The following HMGB1 variants were observed in gnomAD, a reference collection of about 807,000 sequenced individuals.
The protein encoded by HMGB1 is high mobility group protein B1.
For missense variants in HMGB1, 79 were observed against 253.5 expected, an observed-to-expected ratio of 0.31 and a Z score of 4.67; for synonymous variants, 81 against 84.0, an observed-to-expected ratio of 0.96 and a Z score of 0.19.
chr13:30,500,517 G>A (rs1490939324), intron 1 of HMGB1, among the ~76,000 whole-genome samples: 1 of 143,450 alleles, frequency 7.0e-6, no homozygotes, highest in East Asian at 2.1e-4. Flanking sequence ...CTACATGTGT[G>A]TGCTCCCTCA....
At chr13:30,597,611 C>T (rs1871673164) in intron 1 of HMGB1, among the ~76,000 whole-genome samples, 1 of 152,186 alleles carries the variant, frequency 6.6e-6, no homozygotes, top group African/African-American at 2.4e-5. Flanking sequence ...TTACAGTATA[C>T]CACAAGCCTG....
In HMGB1 at chr13:30,547,604, C is replaced by T. The variant is rs970989377; in HGVS notation, c.-15+69067G>A. Among the ~76,000 whole-genome samples the T allele has an allele frequency of 8.1e-4, 123 of 152,144 alleles. 1 individual carries two copies. Among genetic ancestry groups the T allele is most frequent in the Non-Finnish European group, 1.4e-3 (95 of 68,010 alleles). On this transcript the variant is annotated intron_variant, in intron 1 of 4. Coordinates refer to the HMGB1 transcript ENST00000405805. ...CTGTCTAACACCATGGGAAAAGAGT[C>T]CTTACAAACAGGACTTTAGATTTTT...
At chr13:30,598,594 C>T (rs1245123840) in intron 1 of HMGB1, among the ~76,000 whole-genome samples, 1 of 152,108 alleles carries the variant, frequency 6.6e-6, no homozygotes, top group Non-Finnish European at 1.5e-5. Flanking sequence ...ACAAAATACA[C>T]CTGAAAATAT....
At chr13:30,612,516 A>C (rs1210884222) in intron 1 of HMGB1, among the ~76,000 whole-genome samples, 5 of 152,248 alleles carry the variant, frequency 3.3e-5, no homozygotes, top group Non-Finnish European at 7.3e-5. Context: ...TGTAGTTACT[A>C]AAGCATATCC....
chr13:30,546,954 C>T (rs1164441289), intron 1 of HMGB1, among the ~76,000 whole-genome samples: 1 of 152,214 alleles, frequency 6.6e-6, no homozygotes, highest in Non-Finnish European at 1.5e-5. Context: ...TTAATTACCA[C>T]TGGTCCATGT....
chr13:30,581,027 G>T (rs1870877905), intron 1 of HMGB1, among the ~76,000 whole-genome samples: 1 of 152,038 alleles, frequency 6.6e-6, no homozygotes, highest in South Asian at 2.1e-4. Flanking sequence ...GAAGTCCTGG[G>T]CTCAAGGAAT....
At chr13:30,508,011 T>C (rs1719475485) in intron 1 of HMGB1, among the ~76,000 whole-genome samples, 1 of 150,336 alleles carries the variant, frequency 6.7e-6, no homozygotes, top group Non-Finnish European at 1.5e-5. Context: ...AAAGAAAAAA[T>C]AATTAATGAG....
At chr13:30,592,187 T>C (rs1366399203) in intron 1 of HMGB1, among the ~76,000 whole-genome samples, 1 of 151,920 alleles carries the variant, frequency 6.6e-6, no homozygotes, top group Non-Finnish European at 1.5e-5. Context: ...AAAAAAACAT[T>C]TTCCCCTATA....
At chr13:30,611,092 T>C (rs1950508589) in intron 1 of HMGB1, among the ~76,000 whole-genome samples, 1 of 152,256 alleles carries the variant, frequency 6.6e-6, no homozygotes, top group African/African-American at 2.4e-5. Context: ...TCATCCTCAG[T>C]TGCAGAAGTA....
At chr13:30,469,138 G>A (rs1886866001), upstream of HMGB1, among the ~76,000 whole-genome samples, 3 of 151,820 alleles carry the variant, frequency 2.0e-5, no homozygotes, top group Admixed American at 1.3e-4. Context: ...TGATCTGCCC[G>A]CCTCAGCCTC....
intron 1 of HMGB1, among the ~76,000 whole-genome samples, chr13:30,486,280 A>T (rs547191018): frequency 6.6e-6 from 1 of 152,252 alleles, no homozygotes; most frequent in East Asian, 1.9e-4. Context: ...CGAATCACCC[A>T]TATGGTCCCA....
chr13:30,612,244 C>T (rs898331633), intron 1 of HMGB1, among the ~76,000 whole-genome samples: 2 of 152,076 alleles, frequency 1.3e-5, no homozygotes, highest in Admixed American at 1.3e-4. Flanking sequence ...TATACACACA[C>T]ATACATATGC....
In HMGB1 at chr13:30,584,619, T is replaced by C. The variant is rs540159451; in HGVS notation, c.-15+32052A>G. 3.6e-4 allele frequency among the ~76,000 whole-genome samples: 55 copies of C among 152,346 alleles called. 1 individual carries two copies. In the South Asian group the frequency reaches 0.011, roughly 30 times the overall value. On this transcript the variant is annotated intron_variant, in intron 1 of 4. Transcript: ENST00000405805. ...TTTATTGACTAGCTATGACACATTT[T>C]ACTTATATAATTTCATTTTCTCAGC...
rs58424009 is a variant in HMGB1, at chr13:30,537,652, CATATATATATATATATATATATAT to C, written c.-14-73982_-14-73959del. 7.5e-4 allele frequency among the ~76,000 whole-genome samples: 51 copies of C among 68,026 alleles called. 2 individuals carry two copies. The highest frequency in any genetic ancestry group is 3.1e-3 in the East Asian group (5 of 1,592). The allele number at this position is 68,026 out of a possible 152,430, so 44.6% of individuals were successfully genotyped here. A position where few individuals can be genotyped will look rare whatever the true frequency, so the allele number is the denominator to read the frequency against. On this transcript the variant is annotated intron_variant, in intron 1 of 4. Coordinates refer to the HMGB1 transcript ENST00000405805. ...TGGTGGCAATTCATTCATTCTTGTTCATATATATATATATATATATATATATATATATATATATATATATAAAAT... is the reference window on the plus strand; with the variant it reads ...TGGTGGCAATTCATTCATTCTTGTTCATATATATATATATATATATAAAAT...
chr13:30,495,958 A>T (rs1887601928), intron 1 of HMGB1, among the ~76,000 whole-genome samples: 1 of 152,228 alleles, frequency 6.6e-6, no homozygotes, highest in African/African-American at 2.4e-5. Flanking sequence ...AAAACAGAAT[A>T]TAATCATCTA....
At chr13:30,601,803 T>C (rs1950404728) in intron 1 of HMGB1, among the ~76,000 whole-genome samples, 1 of 140,456 alleles carries the variant, frequency 7.1e-6, no homozygotes. Flanking sequence ...GGTTGTAAGG[T>C]AACTACCTAC....
intron 1 of HMGB1, among the ~76,000 whole-genome samples, chr13:30,564,724 T>C (rs1302980190): frequency 6.6e-6 from 1 of 152,228 alleles, no homozygotes; most frequent in African/African-American, 2.4e-5. Flanking sequence ...CTCTCCAACA[T>C]TCATGATTGC....
At chr13:30,615,264 T>C (rs972913686) in intron 1 of HMGB1, among the ~76,000 whole-genome samples, 5 of 152,230 alleles carry the variant, frequency 3.3e-5, no homozygotes, top group African/African-American at 1.2e-4. Context: ...CTTTTTTAAA[T>C]ATACACATGC....
intron 1 of HMGB1, chr13:30,464,728 G>A (rs1432123960): frequency 9.3e-6 from 5 of 539,562 alleles, no homozygotes; most frequent in Non-Finnish European, 1.1e-5. Flanking sequence ...CCGCCGCGAG[G>A]GCGAGCGCGA....
Sources: gnomAD v4.1 joint callset for allele counts (sites outside exome capture counted in the v4.1 genomes callset) on GRCh38, gnomAD v4.1.1 for gene constraint, MANE v1.5 for transcripts, NCBI Gene and HGNC (gene_info 2026-07-23, HGNC 2026-07-21) for gene names.